Variants in L3MBTL2 observed in about 807,000 individuals in gnomAD.
L3MBTL2 encodes L3MBTL histone methyl-lysine binding protein 2, also known as lethal(3)malignant brain tumor-like protein 2.
A neutral mutation model predicts 86.4 loss-of-function variants in L3MBTL2; 49 were observed. The ratio of observed to expected loss-of-function variants is 0.57; its 90% confidence interval spans 0.45 to 0.72. The LOEUF is 0.72. Among genes scored for constraint, L3MBTL2 ranks in the 30% least tolerant of loss-of-function variants. L3MBTL2 has a pLI of 0.00. For synonymous variants in L3MBTL2, 336 were observed against 350.6 expected, an observed-to-expected ratio of 0.96 and a Z score of 0.47; for missense variants, 755 against 923.7, an observed-to-expected ratio of 0.82 and a Z score of 2.37.
intron 5 of L3MBTL2, chr22:41,218,117 GGC>G (rs2031536782): frequency 6.6e-6 from 1 of 152,206 alleles, no homozygotes; most frequent in Non-Finnish European, 1.5e-5. Flanking sequence ...TGCGTGCCTG[GGC>G]TAGCGCAACT....
At position 41,227,272 on chromosome 22, in the gene L3MBTL2, G is replaced by A. The variant is rs757589004; in HGVS notation, c.1771G>A (p.Val591Ile). 1.9e-5 allele frequency: 31 copies of A among 1,611,890 alleles called. No homozygotes were observed. Among genetic ancestry groups the A allele is most frequent in the Non-Finnish European group, 2.5e-5 (29 of 1,179,448 alleles). The change falls in exon 14 of 17, where the codon GTC becomes ATC. Residue 591 changes from valine (V) to isoleucine (I), a missense_variant. Coordinates refer to ENST00000216237, the MANE Select transcript of L3MBTL2 (RefSeq NM_031488.5). The surrounding 1 kb of genome is among the most constrained non-coding windows in gnomAD (Gnocchi z 6.0). ...VDCESPDIYPVGWCELTGYQL... is the reference protein window; with the variant it reads ...VDCESPDIYPIGWCELTGYQL... The stretch of plus-strand genomic sequence containing the variant: ...CTGCGAGTCCCCAGACATCTACCCC[G>A]TCGGCTGGTGTGAGCTCACCGGCTA...
intron 2 of L3MBTL2, 169 bp from the exon 3 acceptor site, chr22:41,213,724 T>G: frequency 1.5e-6 from 1 of 678,934 alleles, no homozygotes. Flanking sequence ...TTCAGGTAGA[T>G]TCAGGATATA....
In L3MBTL2 at chr22:41,224,245, A is replaced by C. The variant is rs1005188238; in HGVS notation, c.1168A>C (p.Met390Leu). 1.2e-6 allele frequency: 2 copies of C among 1,610,108 alleles called. No individual in the cohort carries two copies. Among genetic ancestry groups the C allele is most frequent in the African/African-American group, 2.7e-5 (2 of 74,836 alleles). ...WSRRVGHGIK[M>L]SERRSDMAHH... ...ACGACGTGTGGGCCACGGCATCAAG[A>C]TGTCAGGTTAGCAGAGCCCCAGGCC... The change falls in exon 9 of 17, where the codon ATG (methionine) becomes CTG (leucine). Residue 390 changes from methionine (M) to leucine (L), a missense_variant. By Grantham distance (15) the Met-to-Leu change is conservative. Coordinates refer to ENST00000216237, the MANE Select transcript of L3MBTL2 (RefSeq NM_031488.5). The surrounding 1 kb of genome is among the most constrained non-coding windows in gnomAD (Gnocchi z 4.9).
intron 2 of L3MBTL2, among the ~76,000 whole-genome samples, chr22:41,211,789 C>CTA (rs2030857214): frequency 1.4e-5 from 2 of 148,112 alleles, no homozygotes. Context: ...GATCTCCTGA[C>CTA]CTTGTGATCT....
intron 1 of L3MBTL2, 200 bp from the exon 2 acceptor site, chr22:41,209,496 T>C: frequency 1.8e-6 from 1 of 567,020 alleles, no homozygotes; most frequent in South Asian, 2.0e-5. Flanking sequence ...CTAACACATA[T>C]TTTCTGTCTT....
In L3MBTL2 at chr22:41,216,150, G is replaced by T. The variant is rs536318588; in HGVS notation, c.408G>T (p.Pro136=). ...GTCCTCCTCTCCAGGGAAAACCACC[G>T]ACCAAAAAAGCCAAAGTCCTGCACA... is the stretch of plus-strand genomic sequence containing the variant. ...SILARLQGKP[P]TKKAKVLHKA... is the part of the protein sequence containing the mutation. Residue 136 remains proline (P), a synonymous_variant, in exon 4 of 17, where the codon CCG becomes CCT. Transcript: ENST00000216237. 6 of 1,613,368 alleles carry T rather than the reference G, an allele frequency of 3.7e-6. No homozygotes were observed. In the East Asian group the frequency reaches 1.3e-4, roughly 36 times the overall value.
In L3MBTL2 at chr22:41,227,565, G is replaced by A. The variant is rs747621472; in HGVS notation, c.1823-239G>A. The A allele has an allele frequency of 6.5e-7, 1 of 1,545,968 alleles. No homozygotes were observed. The highest frequency in any genetic ancestry group is 2.5e-5 in the East Asian group (1 of 40,816). ...CACTCTGTCATATGTTCGTGCCCTT[G>A]TGCACCCAGGTAAACTACCCAGGTC... On this transcript the variant is annotated intron_variant, in intron 14 of 16. Coordinates refer to ENST00000216237, the MANE Select transcript of L3MBTL2 (RefSeq NM_031488.5). The surrounding 1 kb of genome is among the most constrained non-coding windows in gnomAD (Gnocchi z 6.0).
At chr22:41,226,256 G>A (rs1416623306) in intron 12 of L3MBTL2, among the ~76,000 whole-genome samples, 5 of 151,838 alleles carry the variant, frequency 3.3e-5, no homozygotes, top group African/African-American at 9.7e-5. Context: ...CAGCCTGGGC[G>A]ACAGAGCAAG....
At position 41,230,135 on chromosome 22, in the gene L3MBTL2, T is replaced by G; in HGVS notation, c.2006-4T>G. The G allele has an allele frequency of 9.0e-7, 1 of 1,111,284 alleles. No individual in the cohort carries two copies. Among genetic ancestry groups the G allele is most frequent in the Non-Finnish European group, 1.2e-6 (1 of 809,502 alleles). 68.8% of individuals were successfully genotyped at this position (1,111,284 alleles called of 1,614,324 possible). On this transcript the variant is annotated splice_polypyrimidine_tract_variant and splice_region_variant and intron_variant, in intron 16 of 16. Coordinates refer to ENST00000216237, the MANE Select transcript of L3MBTL2 (RefSeq NM_031488.5). ...CCACCCACCCGCCTCCCCTCCCTCT[T>G]CAGTCATTGCTGTGCGTGTGAAGGA...
At chr22:41,213,773 C>A in intron 2 of L3MBTL2, 120 bp from the exon 3 acceptor site, 1 of 1,061,676 alleles carries the variant, frequency 9.4e-7, no homozygotes. Context: ...ATTCCATTAG[C>A]CTTTGTGGGG....
At chr22:41,210,014 G>A (rs2030592489) in intron 2 of L3MBTL2, 81 bp downstream of exon 2, 1 of 1,544,272 alleles carries the variant, frequency 6.5e-7, no homozygotes, top group Non-Finnish European at 8.8e-7. Flanking sequence ...GGCTATATGG[G>A]CAGAGCCATC....
At chr22:41,211,820 A>ATG (rs2145573445) in intron 2 of L3MBTL2, among the ~76,000 whole-genome samples, 1 of 124,404 alleles carries the variant, frequency 8.0e-6, no homozygotes, top group African/African-American at 3.1e-5. Context: ...GCCTCCAAAA[A>ATG]TGCTGGGATT....
At chr22:41,216,665 T>C (rs2031390859) in intron 4 of L3MBTL2, among the ~76,000 whole-genome samples, 1 of 152,172 alleles carries the variant, frequency 6.6e-6, no homozygotes, top group South Asian at 2.1e-4. Flanking sequence ...AAGTTAAATG[T>C]ATGCATAAAG....
At chr22:41,219,796 C>T (rs1321365268) in intron 6 of L3MBTL2, among the ~76,000 whole-genome samples, 4 of 152,276 alleles carry the variant, frequency 2.6e-5, no homozygotes, top group Non-Finnish European at 4.4e-5. Flanking sequence ...GGCTGGAGTA[C>T]GGTGGCACGA....
intron 4 of L3MBTL2, 109 bp downstream of exon 4, chr22:41,216,371 A>G: frequency 7.3e-7 from 1 of 1,368,948 alleles, no homozygotes; most frequent in Non-Finnish European, 9.9e-7. Context: ...CCAGGTAGAA[A>G]GTGCCCTAAG....
chr22:41,221,281 C>T lies in L3MBTL2; in HGVS notation c.936C>T (p.His312=). 6.4e-7 allele frequency: 1 copy of T among 1,551,614 alleles called. No individual in the cohort carries two copies. The highest frequency in any genetic ancestry group is 8.7e-7 in the Non-Finnish European group (1 of 1,146,856). Residue 312 remains histidine (H), a synonymous_variant, in exon 8 of 17, where the codon CAC becomes CAT. Transcript: ENST00000216237. ...VGSRTLPVDF[H]IKMVESMKYP... is the part of the protein sequence containing the mutation. ...CCAGGACGCTTCCCGTGGATTTCCACATCAAGGTCGGCAGTGAGCCCTTAA... is the reference window on the plus strand; with the variant it reads ...CCAGGACGCTTCCCGTGGATTTCCATATCAAGGTCGGCAGTGAGCCCTTAA...
chr22:41,213,356 A>C (rs2031064383), intron 2 of L3MBTL2, among the ~76,000 whole-genome samples: 1 of 151,458 alleles, frequency 6.6e-6, no homozygotes, highest in Admixed American at 6.6e-5. Context: ...ACAGTGTCTT[A>C]CTTTGTTGCC....
intron 2 of L3MBTL2, among the ~76,000 whole-genome samples, chr22:41,212,720 C>T (rs572496283): frequency 8.3e-4 from 126 of 151,572 alleles, no homozygotes; most frequent in African/African-American, 2.9e-3. Flanking sequence ...ATGGCGAAAC[C>T]CCGTCTCTAC....
At chr22:41,221,503 C>T (rs753448857) in intron 8 of L3MBTL2, 3 of 562,594 alleles carry the variant, frequency 5.3e-6, no homozygotes, top group Non-Finnish European at 9.7e-6. Context: ...GACTCTGCTC[C>T]TACTGCTCCA....
Sources: allele counts gnomAD v4.1 joint callset (sites outside exome capture counted in the v4.1 genomes callset), GRCh38; gene constraint gnomAD v4.1.1; non-coding constraint Gnocchi (gnomAD v3.1); transcripts MANE v1.5; gene names NCBI Gene and HGNC (gene_info 2026-07-23, HGNC 2026-07-21).